CDIN1: variants seen among roughly 807,000 people sequenced by gnomAD.
CDIN1 encodes CDAN1-interacting nuclease 1.
A neutral mutation model predicts 45.3 loss-of-function variants in CDIN1; 33 were observed. That is an observed-to-expected ratio of 0.73 (90% CI 0.55 to 0.97). CDIN1 has a LOEUF of 0.97. Among genes scored for constraint, CDIN1 ranks in the 50% least tolerant of loss-of-function variants. The pLI is 0.00. For missense variants in CDIN1, 303 were observed against 339.4 expected (o/e 0.89, Z 0.84); for synonymous variants, 118 against 124.4 (o/e 0.95, Z 0.34).
chr15:36,659,699 T>C (rs1430557105), intron 5 of CDIN1, among the ~76,000 whole-genome samples: 3 of 151,838 alleles, frequency 2.0e-5, no homozygotes, highest in African/African-American at 7.2e-5. Context: ...TAGGCTATTG[T>C]GAAGGCACCA....
intron 10 of CDIN1, among the ~76,000 whole-genome samples, chr15:36,756,688 T>C (rs774228872): frequency 6.6e-6 from 1 of 152,218 alleles, no homozygotes; most frequent in Non-Finnish European, 1.5e-5. Flanking sequence ...TCTGTTTGTA[T>C]TGGTGTGCAT....
At chr15:36,644,416 G>T in intron 2 of CDIN1, 93 bp downstream of exon 2, 1 of 1,358,062 alleles carries the variant, frequency 7.4e-7, no homozygotes, top group East Asian at 2.4e-5. Context: ...CCAGCTCTCT[G>T]ATTGGGTTGG....
At chr15:36,765,968 T>C (rs2053913684) in intron 10 of CDIN1, among the ~76,000 whole-genome samples, 1 of 152,200 alleles carries the variant, frequency 6.6e-6, no homozygotes, top group Non-Finnish European at 1.5e-5. Context: ...CTCAATACCA[T>C]ATTGCTAACT....
intron 1 of CDIN1, among the ~76,000 whole-genome samples, chr15:36,589,907 T>C (rs2037495189): frequency 6.6e-6 from 1 of 152,204 alleles, no homozygotes; most frequent in Non-Finnish European, 1.5e-5. Flanking sequence ...GACCCACGTA[T>C]GAAAGATGGT....
At chr15:36,594,034 C>T (rs1230719639) in intron 1 of CDIN1, among the ~76,000 whole-genome samples, 1 of 152,146 alleles carries the variant, frequency 6.6e-6, no homozygotes, top group Non-Finnish European at 1.5e-5. Flanking sequence ...ATGGTGCCTT[C>T]AAAGTTTTCT....
chr15:36,642,632 T>A (rs2040156074), intron 1 of CDIN1, among the ~76,000 whole-genome samples: 2 of 152,254 alleles, frequency 1.3e-5, no homozygotes, highest in African/African-American at 2.4e-5. Flanking sequence ...ACTTCTCATT[T>A]TGAACTATTT....
chr15:36,653,999 A>G, intron 3 of CDIN1, 99 bp from the exon 4 acceptor site: 1 of 848,768 alleles, frequency 1.2e-6, no homozygotes, highest in Non-Finnish European at 1.9e-6. Flanking sequence ...TGAGCGTGGC[A>G]TTTGTCCAGG....
chr15:36,790,858 C>T, intron 10 of CDIN1, among the ~76,000 whole-genome samples: 1 of 152,270 alleles, frequency 6.6e-6, no homozygotes, highest in Non-Finnish European at 1.5e-5. Flanking sequence ...AAAACAACAA[C>T]AACTTTAGGT....
At chr15:36,595,942 G>T (rs920192032) in intron 1 of CDIN1, among the ~76,000 whole-genome samples, 3 of 152,142 alleles carry the variant, frequency 2.0e-5, no homozygotes, top group Non-Finnish European at 4.4e-5. Flanking sequence ...ACCGACCATT[G>T]CCAGTATATT....
intron 1 of CDIN1, among the ~76,000 whole-genome samples, chr15:36,614,908 C>T (rs906935172): frequency 6.6e-6 from 1 of 151,828 alleles, no homozygotes; most frequent in African/African-American, 2.4e-5. Context: ...CCATCTCTAC[C>T]CCCTCCCAAC....
At chr15:36,681,972 C>T (rs181569860) in intron 5 of CDIN1, among the ~76,000 whole-genome samples, 45 of 152,002 alleles carry the variant, frequency 3.0e-4, no homozygotes, top group East Asian at 7.7e-4. Context: ...AAAGGAAATA[C>T]GGCAAATGTG....
intron 10 of CDIN1, 41 bp downstream of exon 10, chr15:36,710,002 A>C (rs767257994): frequency 2.8e-6 from 4 of 1,412,340 alleles, no homozygotes; most frequent in Non-Finnish European, 3.9e-6. Context: ...AACGATACTC[A>C]GCTGAAATCT....
At chr15:36,619,147 C>T in intron 1 of CDIN1, 1 of 1,132,826 alleles carries the variant, frequency 8.8e-7, no homozygotes, top group Non-Finnish European at 1.3e-6. Flanking sequence ...CCATACCATT[C>T]CCAGGGGAGC....
chr15:36,795,993 A>AC (rs976497715), intron 10 of CDIN1, among the ~76,000 whole-genome samples: 2 of 152,002 alleles, frequency 1.3e-5, no homozygotes, highest in African/African-American at 4.8e-5. Flanking sequence ...CACGTTTCCT[A>AC]CCCCTCAGTT....
chr15:36,600,627 C>T (rs1018300711), intron 1 of CDIN1, among the ~76,000 whole-genome samples: 4 of 152,090 alleles, frequency 2.6e-5, no homozygotes, highest in South Asian at 4.1e-4. Context: ...AGATTATAAA[C>T]GAGTAGACAG....
intron 1 of CDIN1, among the ~76,000 whole-genome samples, chr15:36,586,706 G>C (rs2037316986): frequency 1.3e-5 from 2 of 152,156 alleles, no homozygotes; most frequent in African/African-American, 2.4e-5. Context: ...TTGTGCCTGT[G>C]AATAGCCACT....
chr15:36,582,708 C>T (rs1226076338), intron 1 of CDIN1, among the ~76,000 whole-genome samples: 1 of 152,150 alleles, frequency 6.6e-6, no homozygotes, highest in Non-Finnish European at 1.5e-5. Context: ...TAATTCAAAT[C>T]AAAGCATAAT....
Position 36,743,694 on chromosome 15 carries a change from C to T in CDIN1, c.716+33733C>T, listed in dbSNP as rs188608801. Among the ~76,000 whole-genome samples, 175 of 152,052 alleles carry T rather than the reference C, an allele frequency of 1.2e-3. 1 individual carries two copies. Among genetic ancestry groups the T allele is most frequent in the East Asian group, 1.6e-3 (8 of 5,158 alleles). On this transcript the variant is annotated intron_variant, in intron 10 of 10. Coordinates refer to ENST00000566621, the MANE Select transcript of CDIN1 (RefSeq NM_001321759.2). ...GATGCTTGAGCCCAGGAGTTTGAGA[C>T]GAGCCTGGGCAACATAGTGAAACCC...
chr15:36,749,053 T>C (rs565286109), intron 10 of CDIN1, among the ~76,000 whole-genome samples: 1 of 152,340 alleles, frequency 6.6e-6, no homozygotes, highest in Admixed American at 6.5e-5. Context: ...GTTGGGCTTT[T>C]CAATAGGAAG....
Sources: gnomAD v4.1 joint callset for allele counts (sites outside exome capture counted in the v4.1 genomes callset) on GRCh38, gnomAD v4.1.1 for gene constraint, MANE v1.5 for transcripts, NCBI Gene and HGNC (gene_info 2026-07-23, HGNC 2026-07-21) for gene names.